Variants in SOX5 observed in about 807,000 individuals in gnomAD.
The protein encoded by SOX5 is transcription factor SOX-5.
In SOX5, 9 loss-of-function variants were observed where a neutral mutation model predicts 92.0. The ratio of observed to expected loss-of-function variants is 0.10; its 90% CI spans 0.06 to 0.17. The LOEUF is 0.17. Among genes scored for constraint, SOX5 ranks in the 10% least tolerant of loss-of-function variants. SOX5 has a pLI of 1.00. For synonymous variants in SOX5, 344 were observed against 336.3 expected (o/e 1.02, Z -0.25); for missense variants, 642 against 944.5 (o/e 0.68, Z 4.20).
At chr12:23,537,529 G>A (rs941441382) in intron 13 of SOX5, among the ~76,000 whole-genome samples, 2 of 152,068 alleles carry the variant, frequency 1.3e-5, no homozygotes, top group African/African-American at 4.8e-5. Flanking sequence ...TGCGTATTAC[G>A]ATTTTCTCTT....
intron 3 of SOX5, among the ~76,000 whole-genome samples, chr12:24,223,698 T>C (rs1220712659): frequency 6.6e-6 from 1 of 152,142 alleles, no homozygotes; most frequent in Non-Finnish European, 1.5e-5. Flanking sequence ...GAGGCTGCAG[T>C]GAGCTATGAT....
At chr12:24,151,876 TAAATAAATA>T (rs1187518056) in intron 4 of SOX5, among the ~76,000 whole-genome samples, 1 of 151,954 alleles carries the variant, frequency 6.6e-6, no homozygotes, top group African/African-American at 2.4e-5. Flanking sequence ...AATAAATAAA[TAAATAAATA>T]AAATAAGCTT....
At chr12:24,284,720 T>G (rs922351841) in intron 2 of SOX5, among the ~76,000 whole-genome samples, 2 of 152,120 alleles carry the variant, frequency 1.3e-5, no homozygotes, top group African/African-American at 2.4e-5. Flanking sequence ...TCCCTTTGTC[T>G]CTCCAGTATA....
intron 4 of SOX5, among the ~76,000 whole-genome samples, chr12:24,188,038 A>G (rs1327214369): frequency 6.6e-6 from 1 of 152,200 alleles, no homozygotes; most frequent in Non-Finnish European, 1.5e-5. Context: ...TGTAAATTCA[A>G]GCTCAAAGGA....
intron 2 of SOX5, among the ~76,000 whole-genome samples, chr12:24,318,310 T>G (rs1451139740): frequency 2.0e-5 from 3 of 152,134 alleles, no homozygotes; most frequent in African/African-American, 7.2e-5. Context: ...AAAAGCAGTG[T>G]GTGTGATTTC....
At chr12:24,174,294 C>T (rs1038055067) in intron 4 of SOX5, among the ~76,000 whole-genome samples, 1 of 152,112 alleles carries the variant, frequency 6.6e-6, no homozygotes, top group Non-Finnish European at 1.5e-5. Context: ...CCACTGCACC[C>T]GGCAGAAATC....
At chr12:24,138,944 G>A (rs545775466) in intron 4 of SOX5, among the ~76,000 whole-genome samples, 131 of 152,180 alleles carry the variant, frequency 8.6e-4, no homozygotes, top group African/African-American at 3.1e-3. Context: ...TAATATGCAA[G>A]GCTAAAATGT....
chr12:23,809,364 C>T (rs1364627955), intron 3 of SOX5, among the ~76,000 whole-genome samples: 1 of 151,672 alleles, frequency 6.6e-6, no homozygotes, highest in Non-Finnish European at 1.5e-5. Flanking sequence ...GAAATAAGCC[C>T]CATTTTAATA....
intron 3 of SOX5, among the ~76,000 whole-genome samples, chr12:24,257,477 GT>G (rs61338300): frequency 2.6e-5 from 4 of 151,586 alleles, no homozygotes; most frequent in African/African-American, 4.9e-5. Context: ...GTTTTGTTTT[GT>G]TTTTTTCTGA....
At chr12:23,537,945 T>A (rs945621681) in intron 13 of SOX5, among the ~76,000 whole-genome samples, 2 of 11,784 alleles carry the variant, frequency 1.7e-4, no homozygotes, top group Non-Finnish European at 5.1e-4. Flanking sequence ...AGTAATAGCG[T>A]TTTTTTTTTT....
At chr12:23,661,340 T>C (rs1236779964) in intron 7 of SOX5, among the ~76,000 whole-genome samples, 2 of 152,180 alleles carry the variant, frequency 1.3e-5, no homozygotes, top group Admixed American at 6.6e-5. Context: ...CTAAAATATG[T>C]ACTCTAAAGA....
chr12:23,961,491 T>C (rs1946925763), intron 4 of SOX5, among the ~76,000 whole-genome samples: 1 of 152,160 alleles, frequency 6.6e-6, no homozygotes, highest in South Asian at 2.1e-4. Flanking sequence ...AACAAGCTTT[T>C]GTCTGAACTG....
intron 1 of SOX5, among the ~76,000 whole-genome samples, chr12:24,403,682 G>C (rs1426914687): frequency 1.3e-5 from 2 of 152,184 alleles, no homozygotes; most frequent in Non-Finnish European, 2.9e-5. Context: ...ATGGCCAACA[G>C]TCTACTTTAC....
At chr12:24,170,396 C>A (rs961651948) in intron 4 of SOX5, among the ~76,000 whole-genome samples, 1 of 152,154 alleles carries the variant, frequency 6.6e-6, no homozygotes, top group Non-Finnish European at 1.5e-5. Context: ...GACCCAGAGT[C>A]CGGTAGGAAG....
chr12:24,368,879 C>A (rs1367992801), intron 1 of SOX5, among the ~76,000 whole-genome samples: 2 of 152,144 alleles, frequency 1.3e-5, no homozygotes, highest in East Asian at 3.9e-4. Context: ...TATTACATAT[C>A]ATTATACTCT....
chr12:23,998,108 G>T (rs7972094), intron 4 of SOX5, among the ~76,000 whole-genome samples: 1 of 151,816 alleles, frequency 6.6e-6, no homozygotes, highest in Non-Finnish European at 1.5e-5. Context: ...CTTTATGAGG[G>T]ACCCCAGGTG....
chr12:24,362,558 C>T (rs1332556102), intron 2 of SOX5, among the ~76,000 whole-genome samples: 2 of 152,126 alleles, frequency 1.3e-5, no homozygotes, highest in Non-Finnish European at 2.9e-5. Context: ...GATAAAATCA[C>T]TATCAGAATA....
intron 4 of SOX5, among the ~76,000 whole-genome samples, chr12:23,747,958 G>T (rs1327379479): frequency 1.3e-5 from 1 of 77,436 alleles, no homozygotes; most frequent in Non-Finnish European, 2.7e-5. Context: ...AAATGAAAGA[G>T]ATTAAAAAAA....
chr12:23,762,334 G>C, intron 3 of SOX5: 1 of 319,226 alleles, frequency 3.1e-6, no homozygotes, highest in South Asian at 1.5e-4. Context: ...AGAGCTTGAG[G>C]CTGTAGCGTA....
Sources: gnomAD v4.1 joint callset for allele counts (sites outside exome capture counted in the v4.1 genomes callset) on GRCh38, gnomAD v4.1.1 for gene constraint, MANE v1.5 for transcripts, NCBI Gene and HGNC (gene_info 2026-07-23, HGNC 2026-07-21) for gene names.